SYT9: variants seen among roughly 807,000 people sequenced by gnomAD.
The protein encoded by SYT9 is synaptotagmin 9.
A neutral mutation model predicts 48.4 loss-of-function variants in SYT9; 22 were observed. The observed-to-expected ratio is 0.45, with a 90% CI of 0.32 to 0.65. The LOEUF (loss-of-function observed/expected upper bound fraction) is 0.65, where lower values mean the gene tolerates loss of function less well. Ranked by LOEUF, SYT9 falls within the 30% of genes least tolerant of loss-of-function variation. The pLI is 0.03. For missense variants in SYT9, 577 were observed against 622.0 expected, an observed-to-expected ratio of 0.93 and a Z score of 0.77; for synonymous variants, 265 against 245.0, an observed-to-expected ratio of 1.08 and a Z score of -0.76.
chr11:7,404,907 C>T (rs1050270581), intron 3 of SYT9, among the ~76,000 whole-genome samples: 7 of 152,040 alleles, frequency 4.6e-5, no homozygotes, highest in Admixed American at 1.3e-4. Context: ...GTTTATAGAT[C>T]GACAGATAGA....
At chr11:7,362,884 T>C (rs1405308095) in intron 3 of SYT9, among the ~76,000 whole-genome samples, 4 of 151,826 alleles carry the variant, frequency 2.6e-5, no homozygotes, top group Non-Finnish European at 5.9e-5. Flanking sequence ...TTTTATGATT[T>C]TTTGCTTTCT....
intron 3 of SYT9, among the ~76,000 whole-genome samples, chr11:7,411,607 A>G (rs1847137620): frequency 6.6e-6 from 1 of 151,942 alleles, no homozygotes; most frequent in Non-Finnish European, 1.5e-5. Flanking sequence ...GGTTTCCTTT[A>G]TAGGTGACTA....
intron 3 of SYT9, among the ~76,000 whole-genome samples, chr11:7,328,531 G>A (rs1249449830): frequency 6.6e-6 from 1 of 151,954 alleles, no homozygotes; most frequent in African/African-American, 2.4e-5. Context: ...TTTACTTTGG[G>A]ACCTTTGACT....
chr11:7,361,472 C>T lies in SYT9; in HGVS notation c.1044+47531C>T, dbSNP rs142985554. 3.6e-3 allele frequency among the ~76,000 whole-genome samples: 546 copies of T among 152,220 alleles called. 5 individuals are homozygous for T. Among genetic ancestry groups the T allele is most frequent in the African/African-American group, 0.013 (520 of 41,542 alleles). On this transcript the variant is annotated intron_variant, in intron 3 of 6. Coordinates refer to ENST00000318881, the MANE Select transcript of SYT9 (RefSeq NM_175733.4). ...TATATAGTCAACTTTTATAACTATTCCATGATTCCTTAAAAAAATTATTCT... is the reference window on the plus strand; with the variant it reads ...TATATAGTCAACTTTTATAACTATTTCATGATTCCTTAAAAAAATTATTCT...
intron 1 of SYT9, among the ~76,000 whole-genome samples, chr11:7,265,668 CTT>C (rs386353084): frequency 0.21 from 30,519 of 144,912 alleles, 3,065 homozygotes; most frequent in East Asian, 0.26. Flanking sequence ...ATCATGGATT[CTT>C]TTTTTTTTTT....
At chr11:7,433,057 G>A (rs944031255) in intron 6 of SYT9, among the ~76,000 whole-genome samples, 2 of 152,138 alleles carry the variant, frequency 1.3e-5, no homozygotes, top group African/African-American at 4.8e-5. Context: ...TATCCCTCAT[G>A]GCTTGGTGCT....
At chr11:7,407,013 T>C (rs1847027927) in intron 3 of SYT9, among the ~76,000 whole-genome samples, 1 of 152,186 alleles carries the variant, frequency 6.6e-6, no homozygotes, top group Non-Finnish European at 1.5e-5. Flanking sequence ...TAAATATCTA[T>C]TCATGTCTTT....
At chr11:7,320,771 T>C (rs1331398449) in intron 3 of SYT9, among the ~76,000 whole-genome samples, 3 of 152,170 alleles carry the variant, frequency 2.0e-5, no homozygotes, top group Admixed American at 1.3e-4. Context: ...AAAACGGCAA[T>C]TATTGAGTGT....
At chr11:7,377,884 C>T (rs911814163) in intron 3 of SYT9, among the ~76,000 whole-genome samples, 1 of 152,108 alleles carries the variant, frequency 6.6e-6, no homozygotes, top group Non-Finnish European at 1.5e-5. Flanking sequence ...GCTATGTGAG[C>T]TTGGACAAGT....
In SYT9 at chr11:7,468,713, GT is replaced by G. The variant is rs1848372129; in HGVS notation, c.*1915del. ...CATGTCCTTGGCAATGGAAGCCTGGGTTGGAGATCCTGAGGCAGCTGTGCCT... is the reference window on the plus strand; with the variant it reads ...CATGTCCTTGGCAATGGAAGCCTGGGTGGAGATCCTGAGGCAGCTGTGCCT... On this transcript the variant is annotated 3_prime_UTR_variant, in exon 7 of 7. Coordinates refer to ENST00000318881, the MANE Select transcript of SYT9 (RefSeq NM_175733.4). 1 of 159,852 alleles carries G rather than the reference GT, an allele frequency of 6.3e-6. No individual in the cohort carries two copies. Among genetic ancestry groups the G allele is most frequent in the African/African-American group, 2.4e-5 (1 of 41,824 alleles). 9.9% of individuals were successfully genotyped at this position (159,852 alleles called of 1,614,324 possible).
intron 3 of SYT9, among the ~76,000 whole-genome samples, chr11:7,334,347 G>A (rs74471865): frequency 0.091 from 13,893 of 152,136 alleles, 911 homozygotes; most frequent in African/African-American, 0.18. Context: ...GCTGCAGTGA[G>A]GAATGGACAG....
At chr11:7,259,193 A>G (rs1468817356) in intron 1 of SYT9, among the ~76,000 whole-genome samples, 1 of 152,170 alleles carries the variant, frequency 6.6e-6, no homozygotes, top group African/African-American at 2.4e-5. Context: ...ATACCATAGT[A>G]CCTGGTATAT....
At chr11:7,406,535 CATATATAT>C (rs57371051) in intron 3 of SYT9, among the ~76,000 whole-genome samples, 55,143 of 135,282 alleles carry the variant, frequency 0.41, 11,027 homozygotes, top group Middle Eastern at 0.6. Context: ...TTCAATTGCG[CATATATAT>C]ATATATATAT....
intron 2 of SYT9, among the ~76,000 whole-genome samples, chr11:7,311,744 A>G (rs1468078727): frequency 6.6e-6 from 1 of 152,230 alleles, no homozygotes; most frequent in Admixed American, 6.5e-5. Flanking sequence ...GCACCAGCCT[A>G]TTCTGACCTC....
At chr11:7,407,360 A>ATTTTTTT (rs756378336) in intron 3 of SYT9, among the ~76,000 whole-genome samples, 5 of 37,772 alleles carry the variant, frequency 1.3e-4, no homozygotes, top group East Asian at 6.3e-4. Flanking sequence ...TAAGTCTATA[A>ATTTTTTT]TTTTTTTTTT....
chr11:7,356,487 C>G (rs1028815939), intron 3 of SYT9, among the ~76,000 whole-genome samples: 1 of 152,148 alleles, frequency 6.6e-6, no homozygotes, highest in South Asian at 2.1e-4. Context: ...TCCTTTGACT[C>G]CCTGCAGTGC....
chr11:7,406,559 T>TATATATATATATATAC (rs922664189), intron 3 of SYT9, among the ~76,000 whole-genome samples: 35 of 146,696 alleles, frequency 2.4e-4, no homozygotes, highest in African/African-American at 8.1e-4. Context: ...TATATATATA[T>TATATATATATATATAC]ATATATATAG....
In SYT9 at chr11:7,252,658, T is replaced by C. The variant is rs1847895260; in HGVS notation, c.145+327T>C. ...TACGCTCTCCACTTCCCGGGCTATC[T>C]GCACTCAGAGCGAGGGGAGGCCGCG... On this transcript the variant is annotated intron_variant, in intron 1 of 6. Transcript: ENST00000318881. The surrounding 1 kb of genome is among the most constrained non-coding windows in gnomAD (Gnocchi z 6.3). Among the ~76,000 whole-genome samples the C allele has an allele frequency of 6.6e-6, 1 of 152,180 alleles. No individual in the cohort carries two copies. The highest frequency in any genetic ancestry group is 2.4e-5 in the African/African-American group (1 of 41,458).
At chr11:7,381,225 C>T (rs77972192) in intron 3 of SYT9, among the ~76,000 whole-genome samples, 1,577 of 152,202 alleles carry the variant, frequency 0.01, 30 homozygotes, top group African/African-American at 0.034. Context: ...CCTACAACAG[C>T]TCCCTAATAT....
Sources: allele counts gnomAD v4.1 joint callset (sites outside exome capture counted in the v4.1 genomes callset), GRCh38; gene constraint gnomAD v4.1.1; non-coding constraint Gnocchi (gnomAD v3.1); transcripts MANE v1.5; gene names NCBI Gene and HGNC (gene_info 2026-07-23, HGNC 2026-07-21).